The following RBM47 variants were observed in gnomAD, a reference collection of about 807,000 sequenced individuals.
RBM47 encodes RNA-binding protein 47.
In RBM47, 21 loss-of-function variants were observed where a neutral mutation model predicts 47.1. The ratio of observed to expected loss-of-function variants is 0.45; its 90% CI spans 0.32 to 0.64. The LOEUF (loss-of-function observed/expected upper bound fraction) is 0.64. RBM47 is among the 30% of genes least tolerant of loss of function. RBM47 has a pLI of 0.05. For missense variants in RBM47, 708 were observed against 870.9 expected (o/e 0.81, Z 2.35); for synonymous variants, 375 against 361.7 (o/e 1.04, Z -0.42).
intron 1 of RBM47, among the ~76,000 whole-genome samples, chr4:40,592,995 T>G (rs1414254211): frequency 1.4e-5 from 1 of 71,388 alleles, no homozygotes; most frequent in African/African-American, 5.9e-5. Context: ...TTTTTTTTTT[T>G]TTTTTTTTTT....
chr4:40,436,002 C>CAAAAA (rs11452583), intron 5 of RBM47, among the ~76,000 whole-genome samples: 1 of 111,360 alleles, frequency 9.0e-6, no homozygotes, highest in African/African-American at 3.6e-5. Flanking sequence ...ACTAAAAATA[C>CAAAAA]AAAAAAAAAA....
intron 3 of RBM47, among the ~76,000 whole-genome samples, chr4:40,464,485 G>GTC (rs145528486): frequency 6.6e-6 from 1 of 152,022 alleles, no homozygotes; most frequent in South Asian, 2.1e-4. Context: ...TGTGAGTGTG[G>GTC]TCTCTCTCTC....
At chr4:40,485,344 G>T (rs1202575863) in intron 2 of RBM47, among the ~76,000 whole-genome samples, 2 of 152,164 alleles carry the variant, frequency 1.3e-5, no homozygotes, top group African/African-American at 4.8e-5. Flanking sequence ...AACAACTCTG[G>T]AAAGTCAGGA....
At chr4:40,453,168 C>T (rs1425727939) in intron 3 of RBM47, among the ~76,000 whole-genome samples, 4 of 152,040 alleles carry the variant, frequency 2.6e-5, no homozygotes, top group South Asian at 2.1e-4. Context: ...TAATTAATAG[C>T]GATAAATACT....
intron 1 of RBM47, among the ~76,000 whole-genome samples, chr4:40,605,108 C>T (rs1235061894): frequency 1.3e-5 from 2 of 151,616 alleles, no homozygotes; most frequent in Admixed American, 6.6e-5. Flanking sequence ...CTGCAACCTC[C>T]GCCTCCCAGG....
At chr4:40,513,700 C>T (rs927065614) in intron 2 of RBM47, among the ~76,000 whole-genome samples, 1 of 151,840 alleles carries the variant, frequency 6.6e-6, no homozygotes, top group Non-Finnish European at 1.5e-5. Flanking sequence ...GGATAAGAGG[C>T]CGTTTTAAAC....
At chr4:40,457,404 CAG>C (rs1208969147) in intron 3 of RBM47, among the ~76,000 whole-genome samples, 1 of 130,408 alleles carries the variant, frequency 7.7e-6, no homozygotes, top group Non-Finnish European at 1.6e-5. Flanking sequence ...GCCTGGGTGA[CAG>C]AGTGAGACTC....
Position 40,541,507 on chromosome 4 carries a change from T to C in RBM47, c.-155+2915A>G, listed in dbSNP as rs1254045806. On this transcript the variant is annotated intron_variant, in intron 2 of 6. Transcript: ENST00000295971. ...ATCCCAGCACTTTGGGCGGCAGAGG[T>C]GGGTGGATTCCCTGAGGTCAGGAGT... Among the ~76,000 whole-genome samples, 10 of 151,772 alleles carry C rather than the reference T, an allele frequency of 6.6e-5. No homozygotes were observed. The East Asian group carries it at 1.9e-3, about 30-fold the overall frequency.
intron 2 of RBM47, among the ~76,000 whole-genome samples, chr4:40,536,731 T>A (rs1035255682): frequency 1.3e-5 from 2 of 151,904 alleles, no homozygotes; most frequent in African/African-American, 4.8e-5. Context: ...TTGTTTTTTT[T>A]TTATTGTTGT....
At chr4:40,560,214 T>C (rs1275759383) in intron 1 of RBM47, among the ~76,000 whole-genome samples, 1 of 152,224 alleles carries the variant, frequency 6.6e-6, no homozygotes. Flanking sequence ...TGGTATCACC[T>C]GCAAAATCTA....
intron 4 of RBM47, among the ~76,000 whole-genome samples, chr4:40,437,131 TAAAATAC>T (rs1712710673): frequency 1.1e-5 from 1 of 91,128 alleles, no homozygotes; most frequent in African/African-American, 5.3e-5. Context: ...TATATATATA[TAAAATAC>T]ATATATATAT....
At chr4:40,436,999 GGAGGCTGA>G (rs1341806118) in intron 4 of RBM47, 9 of 371,834 alleles carry the variant, frequency 2.4e-5, no homozygotes, top group Non-Finnish European at 4.9e-5. Context: ...CAGCACTTTG[GGAGGCTGA>G]GGCGAGAGGA....
chr4:40,521,257 G>A (rs1185994454), intron 2 of RBM47, among the ~76,000 whole-genome samples: 1 of 152,130 alleles, frequency 6.6e-6, no homozygotes, highest in African/African-American at 2.4e-5. Flanking sequence ...CTGGAGTGCA[G>A]TGGCACAATC....
At chr4:40,436,400 TTATGC>T (rs995395897) in intron 5 of RBM47, 36 bp downstream of exon 5, 30 of 1,579,752 alleles carry the variant, frequency 1.9e-5, no homozygotes, top group Non-Finnish European at 2.6e-5. Context: ...GGGCTGGGGT[TTATGC>T]TGAATGGGAG....
At chr4:40,479,076 T>C (rs1169499646) in intron 2 of RBM47, among the ~76,000 whole-genome samples, 2 of 152,222 alleles carry the variant, frequency 1.3e-5, no homozygotes, top group Admixed American at 6.5e-5. Flanking sequence ...GCAATAATAG[T>C]TGGCTAAGAA....
At chr4:40,578,236 G>A (rs1732522329) in intron 1 of RBM47, among the ~76,000 whole-genome samples, 1 of 152,150 alleles carries the variant, frequency 6.6e-6, no homozygotes, top group South Asian at 2.1e-4. Flanking sequence ...AAAGTAATCT[G>A]ATGTTATTTT....
rs1213913858 is a variant in RBM47 at position 40,434,002 on chromosome 4, G to GGGTGTATGT, written c.1331-1141_1331-1140insACATACACC. Among the ~76,000 whole-genome samples, 18 of 45,632 alleles carry GGGTGTATGT rather than the reference G, an allele frequency of 3.9e-4. 2 individuals carry two copies. Among genetic ancestry groups the GGGTGTATGT allele is most frequent in the Admixed American group, 2.9e-3 (12 of 4,198 alleles). 29.9% of individuals were successfully genotyped at this position (45,632 alleles called of 152,430 possible). The stretch of plus-strand genomic sequence containing the variant: ...TGTGAGTGTGTGTGTGTGGGGCGGG[G>GGGTGTATGT]GTGTGTGTGTGTGTGTGTGTGTGTG... On this transcript the variant is annotated intron_variant, in intron 5 of 6. Transcript: ENST00000295971.
At chr4:40,429,970 G>A (rs1343215585) in intron 6 of RBM47, among the ~76,000 whole-genome samples, 8 of 151,916 alleles carry the variant, frequency 5.3e-5, no homozygotes, top group African/African-American at 1.7e-4. Context: ...TGAGGAGGGC[G>A]GATCATGAAG....
intron 2 of RBM47, among the ~76,000 whole-genome samples, chr4:40,532,948 A>G (rs1156888318): frequency 6.6e-6 from 1 of 152,102 alleles, no homozygotes; most frequent in Non-Finnish European, 1.5e-5. Flanking sequence ...CAGTGTTACA[A>G]AGAGGATCTG....
Sources: allele counts gnomAD v4.1 joint callset (sites outside exome capture counted in the v4.1 genomes callset), GRCh38; gene constraint gnomAD v4.1.1; transcripts MANE v1.5; gene names NCBI Gene and HGNC (gene_info 2026-07-23, HGNC 2026-07-21).